Variants in CLOCK observed in about 807,000 individuals in gnomAD.
CLOCK encodes circadian locomoter output cycles protein kaput.
A neutral mutation model predicts 118.4 loss-of-function variants in CLOCK; 43 were observed. The observed-to-expected ratio is 0.36, with a 90% confidence interval of 0.28 to 0.47. The LOEUF (loss-of-function observed/expected upper bound fraction) is 0.47, where lower values mean the gene tolerates loss of function less well. Among genes scored for constraint, CLOCK ranks in the 20% least tolerant of loss-of-function variants. CLOCK has a pLI of 1.00. For synonymous variants in CLOCK, 326 were observed against 339.2 expected, an observed-to-expected ratio of 0.96 and a Z score of 0.43; for missense variants, 846 against 999.9, an observed-to-expected ratio of 0.85 and a Z score of 2.08.
chr4:55,506,840 C>A (rs1433534565), intron 2 of CLOCK, among the ~76,000 whole-genome samples: 2 of 152,108 alleles, frequency 1.3e-5, no homozygotes, highest in Non-Finnish European at 2.9e-5. Context: ...GGATTACAGG[C>A]GTGAGCCACC....
chr4:55,463,618 A>C (rs1380240115), intron 9 of CLOCK, 67 bp downstream of exon 9: 10 of 1,561,740 alleles, frequency 6.4e-6, no homozygotes, highest in African/African-American at 1.4e-5. Flanking sequence ...TATTTTTCAT[A>C]AACTTGCAAA....
At chr4:55,520,142 GAA>G (rs1397348934) in intron 1 of CLOCK, among the ~76,000 whole-genome samples, 1 of 152,190 alleles carries the variant, frequency 6.6e-6, no homozygotes, top group Non-Finnish European at 1.5e-5. Context: ...AACTGTCATA[GAA>G]GCCCTCTGGG....
intron 18 of CLOCK, among the ~76,000 whole-genome samples, chr4:55,446,101 C>CTTCT (rs1553890777): frequency 4.7e-5 from 5 of 107,354 alleles, no homozygotes; most frequent in East Asian, 3.5e-4. Context: ...AATTTAACTT[C>CTTCT]TTTTTTTTTT....
At chr4:55,449,991 A>G (rs1024514115) in intron 16 of CLOCK, 100 bp downstream of exon 16, 3 of 1,399,392 alleles carry the variant, frequency 2.1e-6, no homozygotes, top group Non-Finnish European at 3.0e-6. Flanking sequence ...GTAAAAACTT[A>G]TAATTTTAAA....
At chr4:55,520,019 G>A (rs1336814654) in intron 1 of CLOCK, among the ~76,000 whole-genome samples, 1 of 152,038 alleles carries the variant, frequency 6.6e-6, no homozygotes, top group Non-Finnish European at 1.5e-5. Context: ...CACCTGCAAA[G>A]GTTGCATATT....
rs1291349469 is a variant in CLOCK at position 55,432,224 on chromosome 4, AAT to A, written c.*3189_*3190del. ...TTTCTCCAATATTTTCCATTCAAAAAATGAAGTACTTTTTAAGTGTCTCGGTT... is the reference window on the plus strand; with the variant it reads ...TTTCTCCAATATTTTCCATTCAAAAAGAAGTACTTTTTAAGTGTCTCGGTT... On this transcript the variant is annotated 3_prime_UTR_variant, in exon 23 of 23. Transcript: ENST00000513440. 6.6e-6 allele frequency: 1 copy of A among 152,116 alleles called. No individual in the cohort carries two copies. Among genetic ancestry groups the A allele is most frequent in the Non-Finnish European group, 1.5e-5 (1 of 68,020 alleles). 9.4% of individuals were successfully genotyped at this position (152,116 alleles called of 1,614,324 possible).
chr4:55,461,421 A>G (rs1243924000), intron 9 of CLOCK, among the ~76,000 whole-genome samples: 1 of 152,120 alleles, frequency 6.6e-6, no homozygotes, highest in Non-Finnish European at 1.5e-5. Flanking sequence ...TTTCATTGCA[A>G]TGAAGACCTG....
chr4:55,450,311 C>A (rs1048229905), intron 15 of CLOCK, 79 bp from the exon 16 acceptor site: 29 of 1,563,070 alleles, frequency 1.9e-5, no homozygotes, highest in Middle Eastern at 2.0e-4. Flanking sequence ...TTAACAACAA[C>A]AAAAAAATCA....
intron 15 of CLOCK, among the ~76,000 whole-genome samples, chr4:55,451,817 CTTTGGA>C (rs2109761809): frequency 6.6e-6 from 1 of 152,300 alleles, no homozygotes; most frequent in African/African-American, 2.4e-5. Context: ...TACAAAACCT[CTTTGGA>C]AAAGTTCTTT....
chr4:55,545,690 G>A (rs780506659), intron 1 of CLOCK: 12 of 152,168 alleles, frequency 7.9e-5, no homozygotes, highest in Non-Finnish European at 1.6e-4. Flanking sequence ...TCAACAAGAG[G>A]ACCTCTACAA....
At chr4:55,465,609 G>A (rs1010847569) in intron 8 of CLOCK, among the ~76,000 whole-genome samples, 1 of 152,132 alleles carries the variant, frequency 6.6e-6, no homozygotes, top group African/African-American at 2.4e-5. Flanking sequence ...TTTCAGTAAA[G>A]GATTTTTCTG....
At position 55,428,996 on chromosome 4, in the gene CLOCK, A is replaced by G. The variant is rs1722356120; in HGVS notation, c.*6419T>C. ...ATCTTTTTTTTTTTTTTTTTTTTTA[A>G]AAAGACATTTCCTGGCCAATTTTTT... is the stretch of plus-strand genomic sequence containing the variant. On this transcript the variant is annotated 3_prime_UTR_variant, in exon 23 of 23. Coordinates refer to ENST00000513440, the MANE Select transcript of CLOCK (RefSeq NM_004898.4). 7.0e-6 allele frequency: 1 copy of G among 143,256 alleles called. No individual in the cohort carries two copies. The highest frequency in any genetic ancestry group is 2.5e-5 in the African/African-American group (1 of 39,446). 8.9% of individuals were successfully genotyped at this position (143,256 alleles called of 1,614,324 possible).
At chr4:55,517,209 C>A (rs78018500) in intron 1 of CLOCK, among the ~76,000 whole-genome samples, 4,114 of 152,204 alleles carry the variant, frequency 0.027, 194 homozygotes, top group African/African-American at 0.094. Flanking sequence ...CATGTGATTA[C>A]TATAGTGTAA....
chr4:55,491,344 A>G (rs1485124842), intron 2 of CLOCK, among the ~76,000 whole-genome samples: 2 of 149,782 alleles, frequency 1.3e-5, no homozygotes, highest in Non-Finnish European at 3.0e-5. Flanking sequence ...GGAAGGAAAT[A>G]TGATTAGAGT....
chr4:55,492,765 A>G (rs1727804288), intron 2 of CLOCK, among the ~76,000 whole-genome samples: 1 of 152,116 alleles, frequency 6.6e-6, no homozygotes, highest in Admixed American at 6.6e-5. Flanking sequence ...GAATCGCTTG[A>G]ACCCAGGAAG....
intron 1 of CLOCK, among the ~76,000 whole-genome samples, chr4:55,529,818 A>C (rs1730422874): frequency 6.6e-6 from 1 of 152,214 alleles, no homozygotes; most frequent in Non-Finnish European, 1.5e-5. Context: ...TTCCATTGTC[A>C]ATGCTTTTAG....
Position 55,435,262 on chromosome 4 carries a change from C to G in CLOCK, c.*153G>C, listed in dbSNP as rs1722789644. The G allele has an allele frequency of 1.4e-5, 12 of 859,758 alleles. No individual in the cohort carries two copies. The highest frequency in any genetic ancestry group is 2.2e-5 in the Non-Finnish European group (12 of 535,010). The allele number at this position is 859,758 out of a possible 1,614,324, so 53.3% of individuals were successfully genotyped here. ...AATGTACATCTGTAGCACTAGGCAGCATTTTCTCTGCCAACTAATTCCAGG... is the reference window on the plus strand; with the variant it reads ...AATGTACATCTGTAGCACTAGGCAGGATTTTCTCTGCCAACTAATTCCAGG... On this transcript the variant is annotated 3_prime_UTR_variant, in exon 23 of 23. Coordinates refer to ENST00000513440, the MANE Select transcript of CLOCK (RefSeq NM_004898.4).
chr4:55,517,902 A>G (rs1457673732), intron 1 of CLOCK, among the ~76,000 whole-genome samples: 2 of 152,132 alleles, frequency 1.3e-5, no homozygotes. Flanking sequence ...CAAAATTACA[A>G]ATGTTTTTAC....
At chr4:55,487,317 G>A (rs372960275) in intron 3 of CLOCK, among the ~76,000 whole-genome samples, 11 of 152,018 alleles carry the variant, frequency 7.2e-5, no homozygotes, top group Non-Finnish European at 1.6e-4. Context: ...AAGGGTAAGC[G>A]CTAAAAAAAC....
Sources: allele counts gnomAD v4.1 joint callset (sites outside exome capture counted in the v4.1 genomes callset), GRCh38; gene constraint gnomAD v4.1.1; transcripts MANE v1.5; gene names NCBI Gene and HGNC (gene_info 2026-07-23, HGNC 2026-07-21).